The following NRG1 variants were observed in gnomAD, a reference collection of about 807,000 sequenced individuals.
NRG1 encodes the protein pro-neuregulin-1, membrane-bound isoform.
In NRG1, 18 loss-of-function variants were observed where a neutral mutation model predicts 63.8. That is an observed-to-expected ratio of 0.28 (90% CI 0.19 to 0.42). The LOEUF is 0.42. Ranked by LOEUF, NRG1 falls within the 10% of genes least tolerant of loss-of-function variation. The pLI, the probability that NRG1 is intolerant of heterozygous loss-of-function variation, is 1.00. For synonymous variants in NRG1, 302 were observed against 301.3 expected (o/e 1.00, Z -0.02); for missense variants, 762 against 814.7 (o/e 0.94, Z 0.79).
intron 1 of NRG1, among the ~76,000 whole-genome samples, chr8:32,338,043 A>G (rs1252833671): frequency 6.6e-6 from 1 of 152,204 alleles, no homozygotes; most frequent in African/African-American, 2.4e-5. Context: ...AAATGTAAAG[A>G]TGACTTACTC....
chr8:31,910,248 C>T (rs1312818309), intron 1 of NRG1, among the ~76,000 whole-genome samples: 1 of 152,184 alleles, frequency 6.6e-6, no homozygotes, highest in Non-Finnish European at 1.5e-5. Flanking sequence ...ATGTCTCTAA[C>T]TTCTAGTCAG....
At chr8:32,483,760 C>T (rs928462503) in intron 1 of NRG1, among the ~76,000 whole-genome samples, 1 of 152,104 alleles carries the variant, frequency 6.6e-6, no homozygotes, top group South Asian at 2.1e-4. Context: ...ACAACTTTAC[C>T]CCTTTCACAG....
chr8:32,473,512 G>T (rs1824102735), intron 1 of NRG1, among the ~76,000 whole-genome samples: 1 of 152,004 alleles, frequency 6.6e-6, no homozygotes, highest in African/African-American at 2.4e-5. Flanking sequence ...ACTATAACAT[G>T]CTATTGCTCA....
At chr8:32,463,502 T>A (rs1332757827) in intron 1 of NRG1, among the ~76,000 whole-genome samples, 1 of 152,184 alleles carries the variant, frequency 6.6e-6, no homozygotes, top group Non-Finnish European at 1.5e-5. Context: ...TAACTTTAAA[T>A]CCACCTGGCC....
At chr8:32,450,343 G>A (rs1034012218) in intron 1 of NRG1, among the ~76,000 whole-genome samples, 44 of 152,206 alleles carry the variant, frequency 2.9e-4, no homozygotes, top group African/African-American at 9.9e-4. Context: ...GTTCCAGGCT[G>A]TAGTTCACAA....
chr8:32,524,671 T>C (rs1236013918), intron 1 of NRG1, among the ~76,000 whole-genome samples: 2 of 152,156 alleles, frequency 1.3e-5, no homozygotes, highest in East Asian at 1.9e-4. Context: ...TGCCTCTGTC[T>C]ATCATGGAAA....
chr8:32,354,903 A>C (rs967360944), intron 1 of NRG1, among the ~76,000 whole-genome samples: 1 of 151,574 alleles, frequency 6.6e-6, no homozygotes, highest in African/African-American at 2.4e-5. Context: ...TGAGAAAATA[A>C]TGATATTACA....
intron 1 of NRG1, among the ~76,000 whole-genome samples, chr8:31,886,156 CA>C (rs1416788890): frequency 1.3e-5 from 2 of 152,002 alleles, no homozygotes; most frequent in African/African-American, 2.4e-5. Flanking sequence ...GTTAATTGAA[CA>C]GTTGTGTTAA....
At chr8:32,348,918 T>C (rs1046806912) in intron 1 of NRG1, among the ~76,000 whole-genome samples, 16 of 152,210 alleles carry the variant, frequency 1.1e-4, no homozygotes, top group African/African-American at 3.9e-4. Context: ...CCAATCAGAC[T>C]TTGAGGACAA....
At chr8:32,140,336 G>GT (rs1229531678) in intron 1 of NRG1, among the ~76,000 whole-genome samples, 1 of 151,936 alleles carries the variant, frequency 6.6e-6, no homozygotes, top group Non-Finnish European at 1.5e-5. Context: ...TCCAACCTTA[G>GT]TTTTTCTGCT....
rs868658505 is a variant in NRG1, at chr8:31,640,857, G to T, written c.37+1426G>T. 1.4e-5 allele frequency: 20 copies of T among 1,396,536 alleles called. 1 individual carries two copies. The South Asian group carries it at 2.9e-4, about 20-fold the overall frequency. The allele number at this position is 1,396,536 out of a possible 1,614,324, so 86.5% of individuals were successfully genotyped here. A position where few individuals can be genotyped will look rare whatever the true frequency, so the allele number is the denominator to read the frequency against. ...TCTGGGTCCCAGTTGTTGGTTTCAG[G>T]GTGGTGGGTTCTCAGCGATCCTCAG... On this transcript the variant is annotated intron_variant, in intron 1 of 10. Transcript: ENST00000519301. The surrounding 1 kb of genome is among the most constrained non-coding windows in gnomAD (Gnocchi z 6.3).
At chr8:31,643,555 A>G (rs1304086203) in intron 1 of NRG1, among the ~76,000 whole-genome samples, 3 of 152,208 alleles carry the variant, frequency 2.0e-5, no homozygotes, top group East Asian at 1.9e-4. Flanking sequence ...AACAGAAACT[A>G]TGAGTGTATT....
At chr8:31,810,157 A>G (rs555916389) in intron 1 of NRG1, among the ~76,000 whole-genome samples, 1 of 152,150 alleles carries the variant, frequency 6.6e-6, no homozygotes, top group Non-Finnish European at 1.5e-5. Context: ...AACAAATACC[A>G]TATCTGACTG....
chr8:32,688,457 T>C (rs148334684), intron 5 of NRG1, among the ~76,000 whole-genome samples: 119 of 152,338 alleles, frequency 7.8e-4, no homozygotes, highest in African/African-American at 2.9e-3. Context: ...TAATTTTTCT[T>C]ATCACACTGT....
intron 1 of NRG1, among the ~76,000 whole-genome samples, chr8:31,757,285 G>A (rs1563365602): frequency 6.6e-6 from 1 of 152,042 alleles, no homozygotes; most frequent in Non-Finnish European, 1.5e-5. Flanking sequence ...TCTGTTTTAA[G>A]CCTGACATAG....
chr8:31,924,146 A>C (rs1834141681), intron 1 of NRG1, among the ~76,000 whole-genome samples: 1 of 151,924 alleles, frequency 6.6e-6, no homozygotes, highest in Non-Finnish European at 1.5e-5. Flanking sequence ...CAAGATCAGG[A>C]GTTCGAGACC....
At chr8:32,048,927 G>A (rs1334626042) in intron 1 of NRG1, among the ~76,000 whole-genome samples, 2 of 151,866 alleles carry the variant, frequency 1.3e-5, no homozygotes, top group African/African-American at 4.8e-5. Flanking sequence ...TTAACCGTTT[G>A]GGATGGTTTA....
intron 1 of NRG1, among the ~76,000 whole-genome samples, chr8:32,244,622 A>T (rs1032452319): frequency 1.3e-5 from 2 of 152,206 alleles, no homozygotes; most frequent in African/African-American, 2.4e-5. Flanking sequence ...ATTAGGTCAC[A>T]TTCAACATTT....
chr8:31,644,915 A>G (rs1430700945), intron 1 of NRG1, among the ~76,000 whole-genome samples: 1 of 152,138 alleles, frequency 6.6e-6, no homozygotes, highest in Non-Finnish European at 1.5e-5. Context: ...TATTTTGATT[A>G]GCTTTGTATA....
Sources: gnomAD v4.1 joint callset for allele counts (sites outside exome capture counted in the v4.1 genomes callset) on GRCh38, gnomAD v4.1.1 for gene constraint, Gnocchi (gnomAD v3.1) non-coding constraint, MANE v1.5 for transcripts, NCBI Gene and HGNC (gene_info 2026-07-23, HGNC 2026-07-21) for gene names.